Variants in FTO observed in about 807,000 individuals in gnomAD.
FTO encodes FTO alpha-ketoglutarate dependent dioxygenase, also known as alpha-ketoglutarate-dependent dioxygenase FTO.
Under a neutral mutation model 63.9 loss-of-function variants are expected in FTO, and 47 were observed. The ratio of observed to expected loss-of-function variants is 0.74; its 90% CI spans 0.58 to 0.94. The LOEUF (loss-of-function observed/expected upper bound fraction) is 0.94, where lower values mean the gene tolerates loss of function less well. FTO is among the 40% of genes least tolerant of loss of function. FTO has a pLI of 0.00. For missense variants in FTO, 562 were observed against 618.1 expected, an observed-to-expected ratio of 0.91 and a Z score of 0.96; for synonymous variants, 207 against 224.4, an observed-to-expected ratio of 0.92 and a Z score of 0.69.
Position 54,120,220 on chromosome 16 carries a change from C to T in FTO, c.*8305C>T, listed in dbSNP as rs369733103. On this transcript the variant is annotated 3_prime_UTR_variant, in exon 9 of 9. Transcript: ENST00000471389. The stretch of plus-strand genomic sequence containing the variant: ...TGTGGCTGTGTCAGGGGCATCCTCA[C>T]TGGGACATAGCTTGGGGAGCTGAAG... 79 of 152,382 alleles carry T rather than the reference C, an allele frequency of 5.2e-4. No homozygotes were observed. Among genetic ancestry groups the T allele is most frequent in the African/African-American group, 1.9e-3 (78 of 41,592 alleles). 9.4% of individuals were successfully genotyped at this position (152,382 alleles called of 1,614,324 possible).
intron 8 of FTO, among the ~76,000 whole-genome samples, chr16:54,031,975 T>C (rs530241639): frequency 6.6e-6 from 1 of 152,196 alleles, no homozygotes; most frequent in Non-Finnish European, 1.5e-5. Flanking sequence ...TGTTAAGCTA[T>C]CTGGCTGAAA....
intron 1 of FTO, among the ~76,000 whole-genome samples, chr16:53,742,061 GACTT>G (rs2076540562): frequency 6.6e-6 from 1 of 152,122 alleles, no homozygotes; most frequent in Admixed American, 6.5e-5. Flanking sequence ...GTAGGTTACA[GACTT>G]TTTGTAACCT....
intron 1 of FTO, among the ~76,000 whole-genome samples, chr16:53,740,407 G>C (rs1210310532): frequency 1.3e-5 from 2 of 152,188 alleles, no homozygotes; most frequent in East Asian, 3.8e-4. Context: ...GTATCTTCAT[G>C]TTACGTTCCT....
chr16:53,934,238 G>A (rs1220783649), intron 8 of FTO, 129 bp downstream of exon 8: 5 of 954,094 alleles, frequency 5.2e-6, no homozygotes, highest in Non-Finnish European at 8.2e-6. Flanking sequence ...CGTTTAAGAT[G>A]CTTTCAGCTA....
chr16:54,108,411 TA>T, intron 8 of FTO, among the ~76,000 whole-genome samples: 1 of 152,296 alleles, frequency 6.6e-6, no homozygotes. Flanking sequence ...CTTGAATACA[TA>T]AGCCTCAGGG....
At chr16:53,978,236 T>C in intron 8 of FTO, among the ~76,000 whole-genome samples, 1 of 152,186 alleles carries the variant, frequency 6.6e-6, no homozygotes, top group East Asian at 1.9e-4. Flanking sequence ...CACCAAATAG[T>C]TACTACCAAT....
intron 8 of FTO, among the ~76,000 whole-genome samples, chr16:53,984,609 C>T (rs1028791138): frequency 1.3e-5 from 2 of 152,240 alleles, no homozygotes; most frequent in Admixed American, 1.3e-4. Flanking sequence ...GCGTGAGCTA[C>T]TGTGCCCATC....
chr16:53,721,846 T>A (rs28361516), intron 1 of FTO, among the ~76,000 whole-genome samples: 2 of 152,162 alleles, frequency 1.3e-5, no homozygotes, highest in African/African-American at 4.8e-5. Flanking sequence ...ATATTTTTTT[T>A]AAACCATTCA....
chr16:53,770,131 A>C (rs1269290109), intron 1 of FTO, among the ~76,000 whole-genome samples: 1 of 152,188 alleles, frequency 6.6e-6, no homozygotes, highest in African/African-American at 2.4e-5. Context: ...TCCAGACATA[A>C]AATTGCAGAA....
intron 5 of FTO, 42 bp from the exon 6 acceptor site, chr16:53,879,802 A>C (rs2151890248): frequency 6.2e-7 from 1 of 1,608,770 alleles, no homozygotes; most frequent in East Asian, 2.2e-5. Context: ...GAGTAAACTT[A>C]GATTTTGCCC....
chr16:53,853,648 T>C (rs2079882489), intron 4 of FTO, among the ~76,000 whole-genome samples: 1 of 152,202 alleles, frequency 6.6e-6, no homozygotes, highest in Non-Finnish European at 1.5e-5. Context: ...GCAAAAGACA[T>C]GATTTCATTT....
At chr16:53,871,848 T>C (rs867505661) in intron 4 of FTO, among the ~76,000 whole-genome samples, 1 of 152,036 alleles carries the variant, frequency 6.6e-6, no homozygotes, top group Non-Finnish European at 1.5e-5. Context: ...TGCCTCAGCC[T>C]CCTGAGTAGC....
At chr16:54,068,615 T>G (rs2085787839) in intron 8 of FTO, among the ~76,000 whole-genome samples, 1 of 152,180 alleles carries the variant, frequency 6.6e-6, no homozygotes, top group Admixed American at 6.5e-5. Flanking sequence ...GAAAATAGCC[T>G]CCTCCATTTT....
At chr16:53,708,258 C>T (rs565275003) in intron 1 of FTO, among the ~76,000 whole-genome samples, 2 of 151,948 alleles carry the variant, frequency 1.3e-5, no homozygotes, top group South Asian at 2.1e-4. Context: ...TCTAGCTACT[C>T]GGGAGGCTGA....
At chr16:53,725,187 C>T (rs57976072) in intron 1 of FTO, among the ~76,000 whole-genome samples, 2,179 of 152,224 alleles carry the variant, frequency 0.014, 29 homozygotes, top group Middle Eastern at 0.075. Flanking sequence ...TATTAGTTCA[C>T]GTTATACTGT....
intron 3 of FTO, among the ~76,000 whole-genome samples, chr16:53,837,772 C>A (rs749888380): frequency 6.6e-6 from 1 of 152,158 alleles, no homozygotes; most frequent in African/African-American, 2.4e-5. Context: ...ACGCTGGGAA[C>A]GTGTCTAGAA....
intron 1 of FTO, among the ~76,000 whole-genome samples, chr16:53,796,800 G>A (rs932257520): frequency 6.6e-6 from 1 of 152,076 alleles, no homozygotes; most frequent in Non-Finnish European, 1.5e-5. Flanking sequence ...GAGTTTTATT[G>A]GGGTATAATT....
At chr16:54,055,911 T>C (rs2085422157) in intron 8 of FTO, among the ~76,000 whole-genome samples, 1 of 152,212 alleles carries the variant, frequency 6.6e-6, no homozygotes, top group Non-Finnish European at 1.5e-5. Flanking sequence ...AATGAAGGTG[T>C]TTTGATACAA....
At chr16:53,805,606 G>A (rs986083027) in intron 1 of FTO, among the ~76,000 whole-genome samples, 5 of 151,970 alleles carry the variant, frequency 3.3e-5, no homozygotes, top group African/African-American at 4.8e-5. Context: ...ACACCACCAC[G>A]CCTGGCTAGT....
Sources: allele counts gnomAD v4.1 joint callset (sites outside exome capture counted in the v4.1 genomes callset), GRCh38; gene constraint gnomAD v4.1.1; transcripts MANE v1.5; gene names NCBI Gene and HGNC (gene_info 2026-07-23, HGNC 2026-07-21).